TIAM1: variants seen among roughly 807,000 people sequenced by gnomAD.
The protein encoded by TIAM1 is TIAM Rac1 associated GEF 1.
A neutral mutation model predicts 163.5 loss-of-function variants in TIAM1; 65 were observed. The ratio of observed to expected loss-of-function variants is 0.40; its 90% CI spans 0.33 to 0.49. TIAM1 has a LOEUF of 0.49. TIAM1 is among the 20% of genes least tolerant of loss of function. The probability of loss-of-function intolerance (pLI) is 0.77; values close to 1 mark genes in which losing one functional copy is unlikely to be tolerated. For synonymous variants in TIAM1, 833 were observed against 810.1 expected (o/e 1.03, Z -0.48); for missense variants, 1,789 against 2,044.7 (o/e 0.87, Z 2.41).
At chr21:31,528,867 T>C (rs1194094490) in intron 1 of TIAM1, among the ~76,000 whole-genome samples, 1 of 151,406 alleles carries the variant, frequency 6.6e-6, no homozygotes. Flanking sequence ...TCAGTTCTAT[T>C]TATCATATCC....
intron 2 of TIAM1, among the ~76,000 whole-genome samples, chr21:31,376,444 A>G (rs926300714): frequency 6.6e-6 from 1 of 152,168 alleles, no homozygotes; most frequent in Non-Finnish European, 1.5e-5. Flanking sequence ...GGAAAGACAT[A>G]CAGTGTTTAA....
chr21:31,290,189 C>T (rs2073965317), intron 2 of TIAM1, among the ~76,000 whole-genome samples: 2 of 152,018 alleles, frequency 1.3e-5, no homozygotes, highest in Non-Finnish European at 2.9e-5. Context: ...AAAGATGAAA[C>T]ATAAATTTTG....
chr21:31,254,155 C>T (rs80283722), intron 4 of TIAM1, among the ~76,000 whole-genome samples: 1,652 of 152,288 alleles, frequency 0.011, 31 homozygotes, highest in African/African-American at 0.038. Flanking sequence ...ATCCCTATTC[C>T]ATAAGAGAGA....
intron 2 of TIAM1, among the ~76,000 whole-genome samples, chr21:31,391,628 AAAAAC>A (rs1160032541): frequency 1.3e-5 from 2 of 152,302 alleles, no homozygotes; most frequent in East Asian, 3.9e-4. Flanking sequence ...CTGTCTTAAA[AAAAAC>A]AAAACAAAAC....
intron 2 of TIAM1, among the ~76,000 whole-genome samples, chr21:31,323,315 T>C (rs1463378755): frequency 2.7e-5 from 4 of 149,106 alleles, no homozygotes; most frequent in African/African-American, 9.8e-5. Flanking sequence ...AGAAAGTGCA[T>C]GAAGCCATAA....
intron 1 of TIAM1, among the ~76,000 whole-genome samples, chr21:31,511,564 T>C (rs531084243): frequency 6.6e-6 from 1 of 152,314 alleles, no homozygotes; most frequent in East Asian, 1.9e-4. Context: ...AGGCAATACT[T>C]ACGCAGCAAT....
At position 31,509,908 on chromosome 21, in the gene TIAM1, A is replaced by G. The variant is rs113130050; in HGVS notation, c.-421-45873T>C. On this transcript the variant is annotated intron_variant, in intron 1 of 28. Transcript: ENST00000286827. ...CCCTCCCCACCACGAGAGTGTGTTT[A>G]TCTATCTCAGGCAGAGGTACTAGTG... Among the ~76,000 whole-genome samples the G allele has an allele frequency of 4.1e-3, 629 of 152,228 alleles. 3 individuals carry two copies. The highest frequency in any genetic ancestry group is 0.015 in the African/African-American group (603 of 41,544).
chr21:31,553,649 G>A (rs2048769865), intron 1 of TIAM1, among the ~76,000 whole-genome samples: 1 of 152,116 alleles, frequency 6.6e-6, no homozygotes, highest in East Asian at 1.9e-4. Flanking sequence ...CCCAGGATCT[G>A]AAGAAGCCCT....
intron 12 of TIAM1, among the ~76,000 whole-genome samples, chr21:31,201,360 T>C (rs1417434136): frequency 1.3e-5 from 2 of 152,198 alleles, no homozygotes; most frequent in South Asian, 2.1e-4. Context: ...ATTTAAGTGA[T>C]AGTTGGAAAA....
chr21:31,197,658 C>T lies in TIAM1; in HGVS notation c.2494-2353G>A, dbSNP rs148540282. 8.3e-4 allele frequency among the ~76,000 whole-genome samples: 126 copies of T among 152,070 alleles called. 4 individuals carry two copies. In the East Asian group the frequency reaches 0.023, roughly 28 times the overall value. ...TGCTGGGATTACAGGCGTGAGCCAC[C>T]GCGCCCAGCCGGATATTTCGTTTTC... On this transcript the variant is annotated intron_variant, in intron 12 of 27. Transcript: ENST00000541036.
intron 3 of TIAM1, among the ~76,000 whole-genome samples, chr21:31,271,216 T>TA (rs56668205): frequency 9.5e-5 from 14 of 147,694 alleles, no homozygotes; most frequent in Admixed American, 3.4e-4. Flanking sequence ...GGTGGTCCAT[T>TA]AAAAAAAACA....
chr21:31,166,632 G>C (rs1415571055), intron 15 of TIAM1, among the ~76,000 whole-genome samples: 1 of 152,194 alleles, frequency 6.6e-6, no homozygotes, highest in Admixed American at 6.5e-5. Context: ...GGATTTTCTT[G>C]TGTTACTTTT....
chr21:31,432,995 G>C (rs2044094483), intron 2 of TIAM1, among the ~76,000 whole-genome samples: 1 of 152,204 alleles, frequency 6.6e-6, no homozygotes, highest in African/African-American at 2.4e-5. Flanking sequence ...AAATGAAACT[G>C]CAAGGGAAAC....
chr21:31,262,960 T>A (rs75778153), intron 4 of TIAM1, among the ~76,000 whole-genome samples: 20 of 138,254 alleles, frequency 1.4e-4, no homozygotes, highest in South Asian at 4.7e-4. Context: ...AATTTTTTTT[T>A]AAAAAAGCAT....
chr21:31,348,401 A>C (rs1040116222), upstream of TIAM1, among the ~76,000 whole-genome samples: 1 of 152,234 alleles, frequency 6.6e-6, no homozygotes. Context: ...CAGCAAGGCC[A>C]GGGAAGAGTC....
intron 6 of TIAM1, among the ~76,000 whole-genome samples, chr21:31,244,348 C>T (rs1359797697): frequency 2.0e-5 from 3 of 152,142 alleles, no homozygotes; most frequent in African/African-American, 7.2e-5. Flanking sequence ...CCTGCTCTTC[C>T]TTTAATAGTC....
intron 9 of TIAM1, among the ~76,000 whole-genome samples, chr21:31,217,206 CA>C (rs113271826): frequency 0.043 from 5,505 of 126,978 alleles, 300 homozygotes; most frequent in African/African-American, 0.13. Flanking sequence ...ACTCTGTCTC[CA>C]AAAAAAAAAA....
chr21:31,269,140 A>C (rs2072932154), intron 3 of TIAM1, among the ~76,000 whole-genome samples: 1 of 152,252 alleles, frequency 6.6e-6, no homozygotes, highest in Non-Finnish European at 1.5e-5. Flanking sequence ...CTTTCTGGTA[A>C]GGCTTGTTTC....
chr21:31,418,531 C>T (rs2043454889), intron 2 of TIAM1, among the ~76,000 whole-genome samples: 1 of 152,006 alleles, frequency 6.6e-6, no homozygotes, highest in East Asian at 1.9e-4. Context: ...TCTCCCCTAC[C>T]CCGGTGGCTG....
Sources: gnomAD v4.1 joint callset for allele counts (sites outside exome capture counted in the v4.1 genomes callset) on GRCh38, gnomAD v4.1.1 for gene constraint, MANE v1.5 for transcripts, NCBI Gene and HGNC (gene_info 2026-07-23, HGNC 2026-07-21) for gene names.